MACROD2: variants seen among roughly 807,000 people sequenced by gnomAD.
The protein encoded by MACROD2 is mono-ADP ribosylhydrolase 2.
In MACROD2, 36 loss-of-function variants were observed where a neutral mutation model predicts 70.4. The ratio of observed to expected loss-of-function variants is 0.51; its 90% CI spans 0.39 to 0.68. The LOEUF (loss-of-function observed/expected upper bound fraction) is 0.68, where lower values mean the gene tolerates loss of function less well. MACROD2 is among the 30% of genes least tolerant of loss of function. The pLI is 0.00. For missense variants in MACROD2, 496 were observed against 538.4 expected (o/e 0.92, Z 0.78); for synonymous variants, 172 against 178.8 (o/e 0.96, Z 0.30).
chr20:14,702,639 ATATATATATACACATATATATGTG>A (rs2071217158), intron 5 of MACROD2, among the ~76,000 whole-genome samples: 3 of 51,300 alleles, frequency 5.8e-5, no homozygotes, highest in African/African-American at 2.3e-4. Flanking sequence ...ATATATATGT[ATATATATATACACATATATATGTG>A]TATATATATA....
chr20:14,497,971 C>T (rs905337277), intron 4 of MACROD2, among the ~76,000 whole-genome samples: 1 of 151,692 alleles, frequency 6.6e-6, no homozygotes, highest in Non-Finnish European at 1.5e-5. Flanking sequence ...CCTCTGATGG[C>T]TTCCTGCTCT....
chr20:14,948,158 G>A (rs1275165471), intron 5 of MACROD2, among the ~76,000 whole-genome samples: 1 of 152,096 alleles, frequency 6.6e-6, no homozygotes, highest in Admixed American at 6.6e-5. Flanking sequence ...TTGAGGAGTG[G>A]AGATTTTATT....
intron 6 of MACROD2, among the ~76,000 whole-genome samples, chr20:15,423,586 G>T (rs1017739407): frequency 1.2e-4 from 18 of 151,922 alleles, no homozygotes; most frequent in African/African-American, 4.1e-4. Context: ...TTTTCTTGGT[G>T]TGTAGACTGC....
intron 8 of MACROD2, among the ~76,000 whole-genome samples, chr20:15,849,051 T>C (rs1310148229): frequency 6.6e-6 from 1 of 152,084 alleles, no homozygotes; most frequent in African/African-American, 2.4e-5. Flanking sequence ...CTCATGCGTG[T>C]TGGGGGAGGT....
intron 6 of MACROD2, among the ~76,000 whole-genome samples, chr20:15,292,052 G>T (rs569497611): frequency 2.6e-5 from 4 of 152,010 alleles, no homozygotes; most frequent in Admixed American, 2.0e-4. Flanking sequence ...TTTGTTTTTT[G>T]TTTTTAGAGA....
At chr20:15,876,308 C>T (rs2064672550) in intron 9 of MACROD2, among the ~76,000 whole-genome samples, 1 of 151,904 alleles carries the variant, frequency 6.6e-6, no homozygotes, top group Non-Finnish European at 1.5e-5. Context: ...TGTTCCCTTC[C>T]TGTGTCCAAG....
At chr20:15,474,194 A>T (rs965517904) in intron 7 of MACROD2, among the ~76,000 whole-genome samples, 26 of 152,246 alleles carry the variant, frequency 1.7e-4, no homozygotes, top group African/African-American at 6.0e-4. Context: ...GTTAATAACA[A>T]CATTTTATCA....
At chr20:14,742,378 A>G (rs1200983941) in intron 5 of MACROD2, among the ~76,000 whole-genome samples, 1 of 152,156 alleles carries the variant, frequency 6.6e-6, no homozygotes, top group Non-Finnish European at 1.5e-5. Flanking sequence ...ATGGTCACAT[A>G]TAGCCATTTT....
intron 5 of MACROD2, among the ~76,000 whole-genome samples, chr20:15,037,104 A>G (rs1291403343): frequency 6.6e-6 from 1 of 152,084 alleles, no homozygotes; most frequent in Non-Finnish European, 1.5e-5. Context: ...CAGTAGCTCG[A>G]TGGGTTAGTG....
At chr20:15,184,404 G>C (rs569129096) in intron 5 of MACROD2, among the ~76,000 whole-genome samples, 1 of 152,098 alleles carries the variant, frequency 6.6e-6, no homozygotes, top group Non-Finnish European at 1.5e-5. Context: ...GTCAGAACAG[G>C]GTAGTTGCTA....
intron 8 of MACROD2, among the ~76,000 whole-genome samples, chr20:15,503,169 T>G (rs12480917): frequency 0.061 from 9,253 of 152,258 alleles, 572 homozygotes; most frequent in East Asian, 0.26. Flanking sequence ...GGATGACAAC[T>G]AAATTTTTGG....
intron 4 of MACROD2, among the ~76,000 whole-genome samples, chr20:14,501,527 G>A (rs1017355425): frequency 2.7e-5 from 4 of 150,902 alleles, no homozygotes; most frequent in Non-Finnish European, 5.9e-5. Context: ...GTTCTTAACT[G>A]GATACTCTTT....
chr20:14,685,684 T>A (rs2070993711), intron 5 of MACROD2, among the ~76,000 whole-genome samples: 1 of 152,086 alleles, frequency 6.6e-6, no homozygotes, highest in African/African-American at 2.4e-5. Flanking sequence ...AGGTTGGAGG[T>A]AGAGGGTTTC....
At chr20:14,282,265 A>G (rs1601432453) in intron 3 of MACROD2, among the ~76,000 whole-genome samples, 1 of 152,316 alleles carries the variant, frequency 6.6e-6, no homozygotes, top group East Asian at 1.9e-4. Flanking sequence ...TATTGTGACA[A>G]AATTTGTTGT....
At chr20:15,178,691 C>T (rs1204434063) in intron 5 of MACROD2, among the ~76,000 whole-genome samples, 3 of 152,184 alleles carry the variant, frequency 2.0e-5, no homozygotes, top group Non-Finnish European at 2.9e-5. Flanking sequence ...GATATTCATC[C>T]ACAACAGCTG....
intron 8 of MACROD2, among the ~76,000 whole-genome samples, chr20:15,559,583 C>T (rs1480186992): frequency 6.6e-6 from 1 of 152,300 alleles, no homozygotes; most frequent in East Asian, 1.9e-4. Context: ...TGAATTCTCT[C>T]CATTGTTCTC....
intron 17 of MACROD2, 131 bp from the exon 18 acceptor site, chr20:16,049,699 C>A: frequency 1.2e-6 from 1 of 834,170 alleles, no homozygotes; most frequent in Non-Finnish European, 1.9e-6. Context: ...CTTTGATAGT[C>A]AAATAAGATA....
At chr20:14,771,950 A>T (rs901339818) in intron 5 of MACROD2, among the ~76,000 whole-genome samples, 2 of 152,090 alleles carry the variant, frequency 1.3e-5, no homozygotes, top group Admixed American at 6.6e-5. Flanking sequence ...TTCAGGAAAG[A>T]CAGTTATCAA....
chr20:14,331,305 G>A (rs75915588), intron 3 of MACROD2, among the ~76,000 whole-genome samples: 3,965 of 152,164 alleles, frequency 0.026, 53 homozygotes, highest in African/African-American at 0.033. Context: ...TTAACCCAGA[G>A]AATGAAAGAG....
Sources: allele counts gnomAD v4.1 joint callset (sites outside exome capture counted in the v4.1 genomes callset), GRCh38; gene constraint gnomAD v4.1.1; transcripts MANE v1.5; gene names NCBI Gene and HGNC (gene_info 2026-07-23, HGNC 2026-07-21).